Variants in GNG5 observed in about 807,000 individuals in gnomAD.
GNG5 encodes G protein subunit gamma 5.
Under a neutral mutation model 6.2 loss-of-function variants are expected in GNG5, and 2 were observed. That is an observed-to-expected ratio of 0.32 (90% CI 0.13 to 1.01). GNG5 has a LOEUF of 1.01. GNG5 is among the 50% of genes least tolerant of loss of function. GNG5 has a pLI of 0.48. For missense variants in GNG5, 57 were observed against 80.2 expected (o/e 0.71, Z 1.10); for synonymous variants, 24 against 33.0 (o/e 0.73, Z 0.93).
chr1:84,502,170 C>G (rs1206022353), intron 2 of GNG5, among the ~76,000 whole-genome samples, 200 bp from the exon 3 acceptor site: 1 of 128,772 alleles, frequency 7.8e-6, no homozygotes, highest in Non-Finnish European at 1.6e-5. Context: ...CGGAGTCTCA[C>G]TCTGTTGCCA....
Position 84,503,070 on chromosome 1 carries a change from C to T in GNG5, c.82-1100G>A, listed in dbSNP as rs184806302. On this transcript the variant is annotated intron_variant, in intron 2 of 3. Transcript: ENST00000370645. ...CTGTTAAATTGAAGTTTGCTAGCAG[C>T]CTTTCAGTCACGTGACACTGGGCAG... Among the ~76,000 whole-genome samples, 6 of 152,310 alleles carry T rather than the reference C, an allele frequency of 3.9e-5. No individual in the cohort carries two copies. The East Asian group carries it at 1.2e-3, about 29-fold the overall frequency.
At chr1:84,503,714 C>CTATG (rs1347503733) in intron 2 of GNG5, 1 of 152,244 alleles carries the variant, frequency 6.6e-6, no homozygotes, top group African/African-American at 2.4e-5. Context: ...TCAAGCACCA[C>CTATG]TATGTGCCGC....
intron 2 of GNG5, among the ~76,000 whole-genome samples, chr1:84,505,398 C>T (rs1682160830): frequency 6.6e-6 from 1 of 152,146 alleles, no homozygotes; most frequent in Admixed American, 6.5e-5. Flanking sequence ...ACGCTTTGTT[C>T]GAGGTTGTAC....
In GNG5 at chr1:84,506,225, A is replaced by T. The variant is rs1416662316; in HGVS notation, c.-134T>A. Reference sequence around the variant, plus strand: ...TCTCTAAGTTTCCGGTTCTGTGCTCAGCGGCTCCACCCTCGGTGCGCATGC... The same window carrying T: ...TCTCTAAGTTTCCGGTTCTGTGCTCTGCGGCTCCACCCTCGGTGCGCATGC... On this transcript the variant is annotated 5_prime_UTR_variant, in exon 2 of 4. Transcript: ENST00000370645. The T allele has an allele frequency of 3.2e-6, 2 of 622,208 alleles. No homozygotes were observed. The highest frequency in any genetic ancestry group is 5.0e-6 in the Non-Finnish European group (2 of 398,566). 38.5% of individuals were successfully genotyped at this position (622,208 alleles called of 1,614,324 possible). A position where few individuals can be genotyped will look rare whatever the true frequency, so the allele number is the denominator to read the frequency against.
chr1:84,506,293 A>G lies in GNG5; in HGVS notation c.-202T>C, dbSNP rs566647773. 7.7e-4 allele frequency: 320 copies of G among 416,090 alleles called. No individual in the cohort carries two copies. Among genetic ancestry groups the G allele is most frequent in the Non-Finnish European group, 1.2e-3 (279 of 234,124 alleles). 25.8% of individuals were successfully genotyped at this position (416,090 alleles called of 1,614,324 possible). On this transcript the variant is annotated 5_prime_UTR_variant, in exon 2 of 4. Transcript: ENST00000370645. ...TGTTCCAGCTCCACACCCGGCCCCG[A>G]GCGCGAGCCTGGAGGAGGGGGAGGA...
chr1:84,500,706 G>A (rs982599390), intron 3 of GNG5, among the ~76,000 whole-genome samples: 2 of 151,928 alleles, frequency 1.3e-5, no homozygotes, highest in African/African-American at 4.8e-5. Flanking sequence ...TTTCCCCCTG[G>A]TATTTCAAAA....
At position 84,503,272 on chromosome 1, in the gene GNG5, A is replaced by G. The variant is rs569294065; in HGVS notation, c.82-1302T>C. Among the ~76,000 whole-genome samples the G allele has an allele frequency of 1.2e-4, 18 of 152,358 alleles. No homozygotes were observed. The South Asian group carries it at 3.7e-3, about 32-fold the overall frequency. On this transcript the variant is annotated intron_variant, in intron 2 of 3. Coordinates refer to ENST00000370645, the MANE Select transcript of GNG5 (RefSeq NM_005274.3). ...CTTTATCCGCAAGGAGGCTGGGAGCAGGTGTCCAGTCCATCCAGCTGGATA... is the reference window on the plus strand; with the variant it reads ...CTTTATCCGCAAGGAGGCTGGGAGCGGGTGTCCAGTCCATCCAGCTGGATA...
chr1:84,502,458 G>A (rs1243358302), intron 2 of GNG5, among the ~76,000 whole-genome samples: 1 of 152,100 alleles, frequency 6.6e-6, no homozygotes, highest in Non-Finnish European at 1.5e-5. Flanking sequence ...CTTAAAACTA[G>A]TGCTTGCAAA....
intron 2 of GNG5, among the ~76,000 whole-genome samples, chr1:84,504,552 T>A (rs1239077596): frequency 6.6e-6 from 1 of 152,224 alleles, no homozygotes; most frequent in Non-Finnish European, 1.5e-5. Context: ...CACCCCCATT[T>A]TTTTTTCTTG....
chr1:84,499,976 T>G (rs1261022652), intron 3 of GNG5, among the ~76,000 whole-genome samples: 1 of 152,170 alleles, frequency 6.6e-6, no homozygotes, highest in Non-Finnish European at 1.5e-5. Context: ...GCACCTGTAA[T>G]CCCAGCTACT....
At chr1:84,499,924 G>A (rs546773533) in intron 3 of GNG5, among the ~76,000 whole-genome samples, 2 of 152,112 alleles carry the variant, frequency 1.3e-5, no homozygotes, top group Non-Finnish European at 2.9e-5. Flanking sequence ...GAGAAACGCT[G>A]TCTCTACCAA....
chr1:84,504,384 C>T (rs1041234855), intron 2 of GNG5, among the ~76,000 whole-genome samples: 3 of 152,124 alleles, frequency 2.0e-5, no homozygotes, highest in African/African-American at 7.2e-5. Context: ...CGACCAGAAC[C>T]AGAAGTCTAC....
chr1:84,505,739 C>A (rs570368850), intron 2 of GNG5, among the ~76,000 whole-genome samples: 14 of 152,338 alleles, frequency 9.2e-5, no homozygotes, highest in African/African-American at 3.4e-4. Context: ...GGAGGAGGAC[C>A]GGAATGTCGG....
Position 84,499,914 on chromosome 1 carries a change from G to A in GNG5, c.*20-1366C>T, listed in dbSNP as rs544783364. ...GCAGATCACCTGAGGTCAGGCGTTCGAGAAACGCTGTCTCTACCAAAAATA... is the reference window on the plus strand; with the variant it reads ...GCAGATCACCTGAGGTCAGGCGTTCAAGAAACGCTGTCTCTACCAAAAATA... On this transcript the variant is annotated intron_variant, in intron 3 of 3. Coordinates refer to ENST00000370645, the MANE Select transcript of GNG5 (RefSeq NM_005274.3). Among the ~76,000 whole-genome samples, 10 of 152,260 alleles carry A rather than the reference G, an allele frequency of 6.6e-5. No homozygotes were observed. The East Asian group carries it at 1.5e-3, about 24-fold the overall frequency.
chr1:84,502,075 C>A, intron 2 of GNG5, 105 bp from the exon 3 acceptor site: 1 of 693,720 alleles, frequency 1.4e-6, no homozygotes, highest in Non-Finnish European at 2.4e-6. Flanking sequence ...CAGTACTTCT[C>A]TTGCTTCAAA....
intron 2 of GNG5, among the ~76,000 whole-genome samples, chr1:84,504,603 T>C (rs1358781803): frequency 1.3e-5 from 2 of 152,192 alleles, no homozygotes; most frequent in Admixed American, 6.5e-5. Flanking sequence ...GAATGACATT[T>C]AATGGTTACG....
intron 3 of GNG5, among the ~76,000 whole-genome samples, chr1:84,500,574 A>C (rs986369525): frequency 6.6e-6 from 1 of 152,252 alleles, no homozygotes; most frequent in African/African-American, 2.4e-5. Flanking sequence ...AAAAACTACC[A>C]TGAAGAATTA....
At chr1:84,501,464 CTAAA>C (rs1682055600) in intron 3 of GNG5, among the ~76,000 whole-genome samples, 1 of 151,770 alleles carries the variant, frequency 6.6e-6, no homozygotes, top group Non-Finnish European at 1.5e-5. Flanking sequence ...TAAAAACTGT[CTAAA>C]TATTTGCCAG....
At chr1:84,504,827 T>A (rs751159825) in intron 2 of GNG5, among the ~76,000 whole-genome samples, 32 of 152,090 alleles carry the variant, frequency 2.1e-4, no homozygotes, top group Non-Finnish European at 2.8e-4. Flanking sequence ...GCTAGGTCCC[T>A]GACATTTCTA....
Sources: gnomAD v4.1 joint callset for allele counts (sites outside exome capture counted in the v4.1 genomes callset) on GRCh38, gnomAD v4.1.1 for gene constraint, MANE v1.5 for transcripts, NCBI Gene and HGNC (gene_info 2026-07-23, HGNC 2026-07-21) for gene names.